Variants in ITGAL observed in about 807,000 individuals in gnomAD.
The protein encoded by ITGAL is integrin alpha-L.
Under a neutral mutation model 138.4 loss-of-function variants are expected in ITGAL, and 68 were observed. That is an observed-to-expected ratio of 0.49 (90% confidence interval 0.40 to 0.60). The LOEUF is 0.60. Among genes scored for constraint, ITGAL ranks in the 20% least tolerant of loss-of-function variants. The pLI, the probability that ITGAL is intolerant of heterozygous loss-of-function variation, is 0.00. For missense variants in ITGAL, 1,256 were observed against 1,478.6 expected (o/e 0.85, Z 2.47); for synonymous variants, 561 against 584.3 (o/e 0.96, Z 0.57).
chr16:30,520,382 C>G (rs1398058873), intron 30 of ITGAL, among the ~76,000 whole-genome samples: 2 of 152,138 alleles, frequency 1.3e-5, no homozygotes, highest in Non-Finnish European at 2.9e-5. Context: ...CTGCAGTGAG[C>G]CATGATGATG....
At position 30,505,461 on chromosome 16, in the gene ITGAL, A is replaced by T; in HGVS notation, c.2365A>T (p.Arg789Ter). 6.2e-7 allele frequency: 1 copy of T among 1,612,566 alleles called. No homozygotes were observed. Among genetic ancestry groups the T allele is most frequent in the South Asian group, 1.1e-5 (1 of 91,038 alleles). The change falls in exon 20 of 31, where the codon AGA (arginine) becomes TGA (stop). Residue 789 changes from arginine to a stop codon, truncating the protein, a stop_gained and splice_region_variant. Transcript: ENST00000356798. LOFTEE classifies it high-confidence loss of function. ...ANLRVSFSPA[R>*]SRALRLTAFA... is the part of the protein sequence containing the mutation. ...CTTGAGAGTGTCCTTCTCTCCTGCA[A>T]GGTCAGTAAGGCCTCCCACCCTCCA... is the stretch of plus-strand genomic sequence containing the variant.
At chr16:30,486,451 GC>G (rs1452085071) in intron 9 of ITGAL, among the ~76,000 whole-genome samples, 1 of 149,984 alleles carries the variant, frequency 6.7e-6, no homozygotes, top group Non-Finnish European at 1.5e-5. Context: ...AGCCTGGGCA[GC>G]ATAGCAAGAA....
chr16:30,475,295 T>A lies in ITGAL; in HGVS notation c.165-11T>A. On this transcript the variant is annotated splice_polypyrimidine_tract_variant and intron_variant, in intron 2 of 30. Transcript: ENST00000356798. ...GGGCCACTCCCTCTCACAGGTGAGA[T>A]TTCTCACCAGGGTCATCGTGGGAGC... 6.2e-7 allele frequency: 1 copy of A among 1,603,890 alleles called. No individual in the cohort carries two copies. Among genetic ancestry groups the A allele is most frequent in the Non-Finnish European group, 8.5e-7 (1 of 1,171,530 alleles).
rs1351429521 is a variant in ITGAL at position 30,518,826 on chromosome 16, A to G, written c.3228+107A>G. 4.9e-6 allele frequency: 4 copies of G among 813,992 alleles called. No individual in the cohort carries two copies. The Admixed American group carries it at 6.1e-5, about 12-fold the overall frequency. 50.4% of individuals were successfully genotyped at this position (813,992 alleles called of 1,614,324 possible). A position where few individuals can be genotyped will look rare whatever the true frequency, so the allele number is the denominator to read the frequency against. ...GCTCCTGGGCTCTGTGCGAGTCAGA[A>G]CTTCCCACTGCCAGAGCCATCAGCC... On this transcript the variant is annotated intron_variant, in intron 29 of 30. Transcript: ENST00000356798.
chr16:30,517,730 G>A (rs181681259), intron 27 of ITGAL, 25 bp downstream of exon 27: 96 of 1,613,284 alleles, frequency 6.0e-5, no homozygotes, highest in Admixed American at 2.0e-4. Flanking sequence ...GCTGAGAGAC[G>A]GTGGGGCTGG....
chr16:30,493,138 G>A (rs1291976601), intron 11 of ITGAL, among the ~76,000 whole-genome samples: 1 of 151,826 alleles, frequency 6.6e-6, no homozygotes, highest in Admixed American at 6.6e-5. Context: ...CTCCTACCTC[G>A]GCTTCCCAAA....
chr16:30,500,188 C>T (rs189690113), intron 17 of ITGAL, among the ~76,000 whole-genome samples: 99 of 151,588 alleles, frequency 6.5e-4, no homozygotes, highest in African/African-American at 2.3e-3. Context: ...CGGGTTCAAG[C>T]GATTCTCCTG....
intron 9 of ITGAL, among the ~76,000 whole-genome samples, chr16:30,484,478 G>T (rs1329736201): frequency 6.6e-6 from 1 of 151,644 alleles, no homozygotes; most frequent in African/African-American, 2.4e-5. Context: ...GTGTGGTGGT[G>T]GGTGCCTGTA....
chr16:30,519,774 G>A, intron 29 of ITGAL, 83 bp from the exon 30 acceptor site: 1 of 864,952 alleles, frequency 1.2e-6, no homozygotes, highest in East Asian at 2.4e-5. Context: ...CGGATAGGAG[G>A]AGATGGGGAA....
intron 11 of ITGAL, among the ~76,000 whole-genome samples, chr16:30,493,616 A>G (rs1045463009): frequency 2.6e-5 from 4 of 151,982 alleles, no homozygotes; most frequent in African/African-American, 9.7e-5. Flanking sequence ...GAGGCCGGGC[A>G]CAGTGGCTTA....
intron 21 of ITGAL, among the ~76,000 whole-genome samples, chr16:30,509,191 A>G (rs145439959): frequency 0.065 from 9,789 of 149,512 alleles, 459 homozygotes; most frequent in Non-Finnish European, 0.1. Context: ...AAAAAAAAAA[A>G]AGAGAGAGAG....
chr16:30,505,370 T>C lies in ITGAL; in HGVS notation c.2293-19T>C, dbSNP rs1380161919. The C allele has an allele frequency of 6.2e-7, 1 of 1,613,810 alleles. No individual in the cohort carries two copies. The highest frequency in any genetic ancestry group is 8.5e-7 in the Non-Finnish European group (1 of 1,179,748). ...CCTCCTGATCTGAGCCTGTTACTCCTTTCTTCTTGGTGTTTCAGATCCCTT... is the reference window on the plus strand; with the variant it reads ...CCTCCTGATCTGAGCCTGTTACTCCCTTCTTCTTGGTGTTTCAGATCCCTT... On this transcript the variant is annotated intron_variant, in intron 19 of 30. Transcript: ENST00000356798.
chr16:30,488,113 T>C (rs1405471161), intron 9 of ITGAL, among the ~76,000 whole-genome samples: 1 of 151,412 alleles, frequency 6.6e-6, no homozygotes, highest in Non-Finnish European at 1.5e-5. Context: ...GAGGATCTCT[T>C]CAGCCTAGGA....
chr16:30,491,520 T>C (rs2050723645), intron 11 of ITGAL, among the ~76,000 whole-genome samples: 1 of 152,212 alleles, frequency 6.6e-6, no homozygotes, highest in South Asian at 2.1e-4. Flanking sequence ...GAGTGTCTAC[T>C]ATGCTACTTA....
intron 18 of ITGAL, 86 bp from the exon 19 acceptor site, chr16:30,505,158 C>G: frequency 1.5e-6 from 2 of 1,330,558 alleles, no homozygotes; most frequent in Non-Finnish European, 2.0e-6. Flanking sequence ...TTGAGCTAAG[C>G]CCCTGCCCCT....
chr16:30,476,120 G>A (rs1023989774), intron 4 of ITGAL, among the ~76,000 whole-genome samples: 8 of 152,040 alleles, frequency 5.3e-5, no homozygotes, highest in South Asian at 2.1e-4. Flanking sequence ...GCATGGTCGC[G>A]GGCGCCTGTA....
intron 4 of ITGAL, among the ~76,000 whole-genome samples, chr16:30,478,232 G>A (rs1394034165): frequency 6.6e-6 from 1 of 151,564 alleles, no homozygotes; most frequent in African/African-American, 2.4e-5. Context: ...TACTGAGGAG[G>A]TTGAGGCAGG....
At position 30,519,923 on chromosome 16, in the gene ITGAL, G is replaced by C; in HGVS notation, c.3295G>C (p.Gly1099Arg). 1 of 1,613,494 alleles carries C rather than the reference G, an allele frequency of 6.2e-7. No individual in the cohort carries two copies. The highest frequency in any genetic ancestry group is 8.5e-7 in the Non-Finnish European group (1 of 1,179,822). Residue 1099 changes from glycine to arginine, a missense_variant, in exon 30 of 31, where the codon GGG becomes CGG. Gly to Arg is a moderately radical substitution (Grantham distance 125, BLOSUM62 -2). Around this residue, in one of 3 missense-constraint regions of ITGAL, gnomAD observed 867 missense variants for 972.5 expected, o/e 0.89. Coordinates refer to ENST00000356798, the MANE Select transcript of ITGAL (RefSeq NM_002209.3). ...CTACCTCTACGTGCTGAGCGGCATC[G>C]GGGGGCTGCTGCTGCTGCTGCTCAT... ...MLYLYVLSGIGGLLLLLLIFI... is the reference protein window; with the variant it reads ...MLYLYVLSGIRGLLLLLLIFI...
intron 4 of ITGAL, 43 bp from the exon 5 acceptor site, chr16:30,479,048 T>C (rs752809452): frequency 1.4e-6 from 2 of 1,478,948 alleles, no homozygotes; most frequent in African/African-American, 1.4e-5. Flanking sequence ...AAAAGACACA[T>C]AGCAAATAGG....
Sources: allele counts gnomAD v4.1 joint callset (sites outside exome capture counted in the v4.1 genomes callset), GRCh38; gene constraint gnomAD v4.1.1; regional missense constraint gnomAD v4.1.1; transcripts MANE v1.5; gene names NCBI Gene and HGNC (gene_info 2026-07-23, HGNC 2026-07-21).